Variants in MIR2052HG observed in about 807,000 individuals in gnomAD.
The protein encoded by MIR2052HG is MIR2052 host gene.
At chr8:74,702,127 A>G (rs1404167564) in intron 2 of MIR2052HG, among the ~76,000 whole-genome samples, 1 of 152,084 alleles carries the variant, frequency 6.6e-6, no homozygotes, top group Non-Finnish European at 1.5e-5. Context: ...AAACTTAGGA[A>G]CTTTCCATCA....
At chr8:74,682,178 A>G (rs1297848628) in intron 2 of MIR2052HG, among the ~76,000 whole-genome samples, 1 of 152,168 alleles carries the variant, frequency 6.6e-6, no homozygotes, top group Non-Finnish European at 1.5e-5. Context: ...AAAAATTTAA[A>G]TGGGAAAGGC....
Position 74,669,467 on chromosome 8 carries a change from T to C in MIR2052HG, n.217-32912T>C, listed in dbSNP as rs1013938520. On this transcript the variant is annotated intron_variant and non_coding_transcript_variant, in intron 2 of 6. Coordinates refer to ENST00000523442, the Ensembl canonical transcript of MIR2052HG. The stretch of plus-strand genomic sequence containing the variant: ...TAGTATGCTTAGATATGTCTTCCAC[T>C]GGCAGACAGAGAGATCTTATCTAAG... Among the ~76,000 whole-genome samples the C allele has an allele frequency of 7.2e-5, 11 of 152,352 alleles. No homozygotes were observed. The East Asian group carries it at 1.9e-3, about 27-fold the overall frequency.
intron 4 of MIR2052HG, among the ~76,000 whole-genome samples, chr8:74,737,797 T>C (rs1222118300): frequency 6.6e-6 from 1 of 152,216 alleles, no homozygotes. Flanking sequence ...TGTTTTTGTT[T>C]GTTTTTTCTT....
intron 4 of MIR2052HG, among the ~76,000 whole-genome samples, chr8:74,717,108 C>G (rs1370834705): frequency 6.6e-6 from 1 of 152,016 alleles, no homozygotes; most frequent in Non-Finnish European, 1.5e-5. Context: ...GTCATCTAGG[C>G]TTTAATTCCC....
chr8:74,755,889 C>T (rs998273930), intron 5 of MIR2052HG, among the ~76,000 whole-genome samples: 2 of 152,068 alleles, frequency 1.3e-5, no homozygotes, highest in African/African-American at 4.8e-5. Context: ...GCCCCTAGTC[C>T]ATTTCAAGCC....
At position 74,604,417 on chromosome 8, in the gene MIR2052HG, G is replaced by A. The variant is rs563292811; in HGVS notation, n.128+4509G>A. 7.5e-5 allele frequency among the ~76,000 whole-genome samples: 10 copies of A among 133,966 alleles called. No homozygotes were observed. In the East Asian group the frequency reaches 2.2e-3, roughly 29 times the overall value. 87.9% of individuals were successfully genotyped at this position (133,966 alleles called of 152,430 possible). A position where few individuals can be genotyped will look rare whatever the true frequency, so the allele number is the denominator to read the frequency against. On this transcript the variant is annotated intron_variant and non_coding_transcript_variant, in intron 1 of 6. Transcript: ENST00000523442. Reference sequence around the variant, plus strand: ...ACAATAGGGGCAGGCGGGAAGGTGAGGGGGGGCCCCGCGGGCGGGCGGAGG... The same window carrying A: ...ACAATAGGGGCAGGCGGGAAGGTGAAGGGGGGCCCCGCGGGCGGGCGGAGG...
intron 1 of MIR2052HG, among the ~76,000 whole-genome samples, chr8:74,602,532 G>A (rs80277822): frequency 8.3e-6 from 1 of 120,298 alleles, no homozygotes; most frequent in Non-Finnish European, 1.7e-5. Context: ...TTTTTTTTTT[G>A]AGACAGTCTT....
chr8:74,707,339 A>G (rs146307448), intron 4 of MIR2052HG, among the ~76,000 whole-genome samples: 2 of 152,296 alleles, frequency 1.3e-5, no homozygotes, highest in East Asian at 3.9e-4. Flanking sequence ...ACAGAGTGAT[A>G]GCCACTGTTA....
intron 4 of MIR2052HG, among the ~76,000 whole-genome samples, chr8:74,747,441 A>G (rs1046803121): frequency 1.3e-5 from 2 of 152,202 alleles, no homozygotes; most frequent in African/African-American, 2.4e-5. Context: ...ATAAATCAAG[A>G]CAAAACAATG....
chr8:74,643,465 A>T (rs1358167570), intron 2 of MIR2052HG, among the ~76,000 whole-genome samples: 1 of 152,224 alleles, frequency 6.6e-6, no homozygotes, highest in East Asian at 1.9e-4. Context: ...TGGTGTTTCC[A>T]GAAGTCCGGA....
chr8:74,711,933 C>T (rs1809472062), intron 4 of MIR2052HG, among the ~76,000 whole-genome samples: 1 of 152,070 alleles, frequency 6.6e-6, no homozygotes, highest in Non-Finnish European at 1.5e-5. Context: ...AACATGGCTG[C>T]GGCTGGAAGA....
chr8:74,737,234 T>C (rs949451606), intron 4 of MIR2052HG, among the ~76,000 whole-genome samples: 4 of 152,144 alleles, frequency 2.6e-5, no homozygotes, highest in African/African-American at 9.7e-5. Context: ...CAGCCTCTGG[T>C]TGGCTGCTTT....
intron 2 of MIR2052HG, among the ~76,000 whole-genome samples, chr8:74,682,975 G>A (rs1235970496): frequency 6.6e-6 from 1 of 152,116 alleles, no homozygotes; most frequent in Non-Finnish European, 1.5e-5. Context: ...AAATAAAAGG[G>A]AGTTTTAGAA....
chr8:74,699,435 T>C (rs201302896), intron 2 of MIR2052HG, among the ~76,000 whole-genome samples: 24 of 139,300 alleles, frequency 1.7e-4, no homozygotes, highest in South Asian at 9.3e-4. Context: ...TATATATATA[T>C]ACACCATGGA....
At chr8:74,718,748 G>A (rs1259836511) in intron 4 of MIR2052HG, among the ~76,000 whole-genome samples, 2 of 152,172 alleles carry the variant, frequency 1.3e-5, no homozygotes, top group African/African-American at 4.8e-5. Flanking sequence ...GGTTGCGACT[G>A]TCAACTTCTT....
intron 4 of MIR2052HG, among the ~76,000 whole-genome samples, chr8:74,734,933 G>T (rs1444861186): frequency 6.6e-6 from 1 of 152,190 alleles, no homozygotes; most frequent in Non-Finnish European, 1.5e-5. Flanking sequence ...TCCCTCAAAT[G>T]AAATACCCTG....
intron 2 of MIR2052HG, among the ~76,000 whole-genome samples, chr8:74,651,075 C>G (rs564763124): frequency 1.3e-5 from 2 of 151,494 alleles, no homozygotes; most frequent in Middle Eastern, 3.4e-3. Context: ...TCTGTGTATA[C>G]GTTTGTTTCT....
At chr8:74,689,164 A>G (rs1809213952) in intron 2 of MIR2052HG, among the ~76,000 whole-genome samples, 2 of 152,262 alleles carry the variant, frequency 1.3e-5, no homozygotes, top group Admixed American at 1.3e-4. Flanking sequence ...TTGAGGTGAT[A>G]TGTGCTTGGG....
intron 4 of MIR2052HG, among the ~76,000 whole-genome samples, chr8:74,737,150 C>T (rs1042522140): frequency 1.3e-4 from 20 of 152,108 alleles, no homozygotes; most frequent in African/African-American, 4.8e-4. Flanking sequence ...GTAACTTCAC[C>T]CTAGCCTCTG....
Sources: gnomAD v4.1 joint callset for allele counts (sites outside exome capture counted in the v4.1 genomes callset) on GRCh38, gnomAD v4.1.1 for gene constraint, MANE v1.5 for transcripts, NCBI Gene and HGNC (gene_info 2026-07-23, HGNC 2026-07-21) for gene names.